DNAH5: variants seen among roughly 807,000 people sequenced by gnomAD.
The protein encoded by DNAH5 is dynein axonemal heavy chain 5, also known as axonemal beta dynein heavy chain 5.
DNAH5 carries 372 observed loss-of-function variants against 518.2 expected under a neutral mutation model. The ratio of observed to expected loss-of-function variants is 0.72; its 90% CI spans 0.66 to 0.78. The LOEUF is 0.78. Ranked by LOEUF, DNAH5 falls within the 30% of genes least tolerant of loss-of-function variation. The pLI, the probability that DNAH5 is intolerant of heterozygous loss-of-function variation, is 0.00. For missense variants in DNAH5, 5,523 were observed against 5,687.0 expected, an observed-to-expected ratio of 0.97 and a Z score of 0.93; for synonymous variants, 2,039 against 2,025.9, an observed-to-expected ratio of 1.01 and a Z score of -0.17.
intron 22 of DNAH5, among the ~76,000 whole-genome samples, chr5:13,875,464 T>TTA (rs1770752064): frequency 3.7e-5 from 1 of 26,856 alleles, no homozygotes; most frequent in Non-Finnish European, 7.4e-5. Context: ...TGAAACTCCT[T>TTA]CAAAAAAAAA....
intron 65 of DNAH5, among the ~76,000 whole-genome samples, chr5:13,748,446 T>C (rs1749727535): frequency 1.3e-5 from 2 of 152,244 alleles, no homozygotes; most frequent in Admixed American, 6.5e-5. Flanking sequence ...GGGGATGGCA[T>C]TGAATCTATA....
At chr5:13,995,860 A>G (rs764896472) in intron 1 of DNAH5, among the ~76,000 whole-genome samples, 6 of 152,214 alleles carry the variant, frequency 3.9e-5, no homozygotes, top group Non-Finnish European at 8.8e-5. Context: ...CTTGACTTTT[A>G]TAATGGAGAG....
intron 55 of DNAH5, among the ~76,000 whole-genome samples, chr5:13,773,930 A>G (rs1263765979): frequency 6.6e-6 from 1 of 151,726 alleles, no homozygotes; most frequent in Non-Finnish European, 1.5e-5. Flanking sequence ...GAAAAAAAAA[A>G]GAGCATATTC....
chr5:13,852,472 AT>A (rs34356082), intron 30 of DNAH5, among the ~76,000 whole-genome samples: 57,064 of 150,602 alleles, frequency 0.38, 10,974 homozygotes, highest in South Asian at 0.47. Flanking sequence ...CAGCCAGTTT[AT>A]TTTTTTTTTC....
In DNAH5 at chr5:13,829,786, A is replaced by G; in HGVS notation, c.6250-82T>C. ...ATATTAAAAGATTCATTATGTACACACAACAAATCTGGAATGACAACCAGG... is the reference window on the plus strand; with the variant it reads ...ATATTAAAAGATTCATTATGTACACGCAACAAATCTGGAATGACAACCAGG... On this transcript the variant is annotated intron_variant, in intron 37 of 78. Coordinates refer to ENST00000265104, the MANE Select transcript of DNAH5 (RefSeq NM_001369.3). 4 of 1,387,670 alleles carry G rather than the reference A, an allele frequency of 2.9e-6. No homozygotes were observed. The South Asian group carries it at 3.6e-5, about 12-fold the overall frequency. 86.0% of individuals were successfully genotyped at this position (1,387,670 alleles called of 1,614,324 possible).
At position 13,775,528 on chromosome 5, in the gene DNAH5, A is replaced by G. The variant is rs1032129806; in HGVS notation, c.9373+911T>C. On this transcript the variant is annotated intron_variant, in intron 55 of 78. Coordinates refer to ENST00000265104, the MANE Select transcript of DNAH5 (RefSeq NM_001369.3). ...GAGAGAGAAATACAGATAGATAGAT[A>G]GACAGACAGACAGACAGACAGACAA... Among the ~76,000 whole-genome samples the G allele has an allele frequency of 1.4e-4, 20 of 143,790 alleles. 3 individuals carry two copies. The highest frequency in any genetic ancestry group is 1.1e-3 in the Admixed American group (16 of 14,170). The allele number at this position is 143,790 out of a possible 152,430, so 94.3% of individuals were successfully genotyped here. A position where few individuals can be genotyped will look rare whatever the true frequency, so the allele number is the denominator to read the frequency against.
chr5:13,753,397 C>T lies in DNAH5; in HGVS notation c.10708G>A (p.Ala3570Thr). 1.2e-6 allele frequency: 2 copies of T among 1,614,008 alleles called. No homozygotes were observed. Among genetic ancestry groups the T allele is most frequent in the South Asian group, 1.1e-5 (1 of 91,076 alleles). The change falls in exon 63 of 79, where the codon GCT becomes ACT. Residue 3570 changes from alanine (A) to threonine (T), a missense_variant. Coordinates refer to ENST00000265104, the MANE Select transcript of DNAH5 (RefSeq NM_001369.3). ...NLNLSEMLID[A>T]PTISEWNLQG... ...AGGTTCCATTCACTAATAGTAGGAG[C>T]ATCAATCAACATCTCACTGAGATTT...
chr5:13,820,634 C>T, intron 40 of DNAH5, 135 bp from the exon 41 acceptor site: 1 of 999,382 alleles, frequency 1.0e-6, no homozygotes, highest in South Asian at 1.3e-5. Context: ...ACCAGCCAGG[C>T]CAACATGGTG....
intron 7 of DNAH5, 40 bp downstream of exon 7, chr5:13,919,136 T>G (rs1247274391): frequency 6.2e-7 from 1 of 1,613,596 alleles, no homozygotes; most frequent in South Asian, 1.1e-5. Flanking sequence ...TAGAGAACTC[T>G]TATTCCCATT....
intron 69 of DNAH5, among the ~76,000 whole-genome samples, chr5:13,728,387 T>C (rs1746040690): frequency 1.3e-5 from 2 of 152,330 alleles, no homozygotes; most frequent in Non-Finnish European, 2.9e-5. Context: ...AATGTCTTTC[T>C]TGGGATATAA....
intron 61 of DNAH5, 66 bp downstream of exon 61, chr5:13,758,780 C>T: frequency 1.2e-6 from 2 of 1,611,642 alleles, no homozygotes; most frequent in Non-Finnish European, 8.5e-7. Flanking sequence ...CCACAAGAAC[C>T]CAAACTCTTG....
At chr5:13,996,656 T>C (rs1231064615) in intron 1 of DNAH5, among the ~76,000 whole-genome samples, 4 of 152,200 alleles carry the variant, frequency 2.6e-5, no homozygotes, top group Non-Finnish European at 5.9e-5. Context: ...GCTGACTCCA[T>C]CTCCCACCTT....
At chr5:13,871,079 C>A in intron 23 of DNAH5, 77 bp from the exon 24 acceptor site, 1 of 1,089,054 alleles carries the variant, frequency 9.2e-7, no homozygotes, top group South Asian at 1.5e-5. Context: ...CGCTGTTCTC[C>A]AGTAGTAAAT....
At chr5:13,991,076 A>G (rs1783508834) in intron 1 of DNAH5, among the ~76,000 whole-genome samples, 2 of 152,128 alleles carry the variant, frequency 1.3e-5, no homozygotes, top group South Asian at 4.1e-4. Flanking sequence ...ACTTCTTGCC[A>G]GTTGCAAGTC....
At position 13,794,031 on chromosome 5, in the gene DNAH5, G is replaced by GT. The variant is rs749082955; in HGVS notation, c.7914dup (p.Arg2639ThrfsTer19). 1.9e-6 allele frequency: 3 copies of GT among 1,613,794 alleles called. No homozygotes were observed. Among genetic ancestry groups the GT allele is most frequent in the Non-Finnish European group, 2.5e-6 (3 of 1,179,922 alleles). ...GGAGGGCCATATGTTGTACCCATTC[G>GT]TTTATCCACATAGCTCTCTATCGTC... is the stretch of plus-strand genomic sequence containing the variant. On this transcript the variant is annotated frameshift_variant, in exon 48 of 79. Coordinates refer to ENST00000265104, the MANE Select transcript of DNAH5 (RefSeq NM_001369.3). LOFTEE classifies it high-confidence loss of function.
At chr5:13,845,828 T>A (rs1281721276) in intron 31 of DNAH5, among the ~76,000 whole-genome samples, 1 of 145,814 alleles carries the variant, frequency 6.9e-6, no homozygotes, top group African/African-American at 2.5e-5. Flanking sequence ...TAGCCTTTTT[T>A]GACCTTTTTT....
intron 35 of DNAH5, among the ~76,000 whole-genome samples, chr5:13,835,943 T>A (rs529722915): frequency 6.6e-6 from 1 of 152,142 alleles, no homozygotes; most frequent in Non-Finnish European, 1.5e-5. Context: ...GGTCACATTC[T>A]AGAAGGAACC....
rs749162833 is a variant in DNAH5 at position 13,870,841 on chromosome 5, G to A, written c.3760C>T (p.Arg1254Trp). The change falls in exon 24 of 79, where the codon CGG becomes TGG. Residue 1254 changes from arginine (R) to tryptophan (W), a missense_variant. Coordinates refer to ENST00000265104, the MANE Select transcript of DNAH5 (RefSeq NM_001369.3). Reference protein sequence around the residue: ...NRPIKDLDDIRIAMAALKEIR... With the variant: ...NRPIKDLDDIWIAMAALKEIR... The stretch of plus-strand genomic sequence containing the variant: ...TCTTTCAGCGCTGCCATTGCAATCC[G>A]AATATCATCTAGGTCCTTAATTGGA... The A allele has an allele frequency of 6.6e-5, 106 of 1,613,678 alleles. No individual in the cohort carries two copies. The highest frequency in any genetic ancestry group is 3.7e-4 in the Admixed American group (22 of 59,950).
rs775369408 is a variant in DNAH5 at position 13,690,823 on chromosome 5, G to T, written c.*1161C>A. The T allele has an allele frequency of 6.6e-6, 1 of 152,040 alleles. No individual in the cohort carries two copies. The highest frequency in any genetic ancestry group is 1.5e-5 in the Non-Finnish European group (1 of 68,000). 9.4% of individuals were successfully genotyped at this position (152,040 alleles called of 1,614,324 possible). Reference sequence around the variant, plus strand: ...ATAAAAGTCCATAGAAAGTCCCTACGCACCGTCTAATATTTCTACCCTTTT... The same window carrying T: ...ATAAAAGTCCATAGAAAGTCCCTACTCACCGTCTAATATTTCTACCCTTTT... On this transcript the variant is annotated 3_prime_UTR_variant, in exon 79 of 79. Coordinates refer to ENST00000265104, the MANE Select transcript of DNAH5 (RefSeq NM_001369.3).
Sources: allele counts gnomAD v4.1 joint callset (sites outside exome capture counted in the v4.1 genomes callset), GRCh38; gene constraint gnomAD v4.1.1; transcripts MANE v1.5; gene names NCBI Gene and HGNC (gene_info 2026-07-23, HGNC 2026-07-21).